Variants in DNMBP observed in about 807,000 individuals in gnomAD.
DNMBP encodes dynamin binding protein.
Under a neutral mutation model 150.0 loss-of-function variants are expected in DNMBP, and 87 were observed. That is an observed-to-expected ratio of 0.58 (90% CI 0.49 to 0.69). The LOEUF is 0.69. Among genes scored for constraint, DNMBP ranks in the 30% least tolerant of loss-of-function variants. DNMBP has a pLI of 0.00. For missense variants in DNMBP, 1,774 were observed against 1,949.0 expected (o/e 0.91, Z 1.69); for synonymous variants, 711 against 750.4 (o/e 0.95, Z 0.86).
chr10:99,932,005 G>T lies in DNMBP; in HGVS notation c.2261-22859C>A, dbSNP rs76610598. On this transcript the variant is annotated intron_variant, in intron 4 of 16. Coordinates refer to ENST00000324109, the MANE Select transcript of DNMBP (RefSeq NM_015221.4). ...TAATACGTGGAAAATAAGAGAGGAG[G>T]CTGAAGAGATAGGTTGGGGTGGACC... Among the ~76,000 whole-genome samples the T allele has an allele frequency of 6.0e-4, 91 of 152,302 alleles. No individual in the cohort carries two copies. The East Asian group carries it at 6.6e-3, about 11-fold the overall frequency.
At chr10:100,005,764 CA>C (rs760685767) in intron 1 of DNMBP, among the ~76,000 whole-genome samples, 4,706 of 37,988 alleles carry the variant, frequency 0.12, 36 homozygotes, top group African/African-American at 0.15. Context: ...CAAAAGTCTC[CA>C]AAAAAAAAAA....
At chr10:99,887,512 G>T (rs1217475587) in intron 12 of DNMBP, among the ~76,000 whole-genome samples, 1 of 152,026 alleles carries the variant, frequency 6.6e-6, no homozygotes, top group Non-Finnish European at 1.5e-5. Flanking sequence ...GGGTGACAGA[G>T]TGAGACTCCA....
Position 99,898,966 on chromosome 10 carries a change from G to A in DNMBP, c.2703-206C>T, listed in dbSNP as rs546532628. Among the ~76,000 whole-genome samples the A allele has an allele frequency of 4.6e-5, 7 of 152,236 alleles. No homozygotes were observed. In the East Asian group the frequency reaches 1.2e-3, roughly 25 times the overall value. On this transcript the variant is annotated intron_variant, in intron 7 of 16. Transcript: ENST00000324109. ...CCAGCACTTTGGGAGGCCGAGGCGGGTGGATCACCTGAGGTCAGGAGTTCA... is the reference window on the plus strand; with the variant it reads ...CCAGCACTTTGGGAGGCCGAGGCGGATGGATCACCTGAGGTCAGGAGTTCA...
intron 1 of DNMBP, among the ~76,000 whole-genome samples, chr10:100,007,695 G>A (rs61871673): frequency 0.05 from 7,613 of 152,256 alleles, 234 homozygotes; most frequent in South Asian, 0.16. Flanking sequence ...TAGCAGGGAG[G>A]ATAAAGAACA....
chr10:99,965,825 C>T (rs1229291853), intron 3 of DNMBP, among the ~76,000 whole-genome samples: 1 of 152,066 alleles, frequency 6.6e-6, no homozygotes, highest in African/African-American at 2.4e-5. Context: ...TCCAAATCCC[C>T]TCCTGACCTA....
intron 3 of DNMBP, among the ~76,000 whole-genome samples, chr10:99,959,978 A>G (rs2040546527): frequency 6.6e-6 from 1 of 152,156 alleles, no homozygotes; most frequent in African/African-American, 2.4e-5. Context: ...CCTATCCTGA[A>G]AATATATTAT....
At chr10:99,981,622 G>C (rs1164008726) in intron 1 of DNMBP, among the ~76,000 whole-genome samples, 1 of 152,166 alleles carries the variant, frequency 6.6e-6, no homozygotes, top group Non-Finnish European at 1.5e-5. Flanking sequence ...GTGGCCTTTG[G>C]AATCAAAGTC....
intron 1 of DNMBP, among the ~76,000 whole-genome samples, chr10:99,974,271 G>T (rs2040705953): frequency 6.6e-6 from 1 of 152,218 alleles, no homozygotes; most frequent in African/African-American, 2.4e-5. Flanking sequence ...CCAACCCCGG[G>T]GAGTATCCTT....
chr10:99,961,228 TC>T (rs758122299), intron 3 of DNMBP, among the ~76,000 whole-genome samples: 141 of 149,950 alleles, frequency 9.4e-4, no homozygotes, highest in Non-Finnish European at 1.9e-3. Flanking sequence ...TTTCCTTTTT[TC>T]TTCTAATTCC....
chr10:99,981,567 C>G (rs1264676929), intron 1 of DNMBP, among the ~76,000 whole-genome samples: 1 of 152,146 alleles, frequency 6.6e-6, no homozygotes, highest in African/African-American at 2.4e-5. Context: ...AAACTTTTAC[C>G]CTGATAGACA....
chr10:99,970,786 C>T (rs919358611), intron 2 of DNMBP, among the ~76,000 whole-genome samples: 3 of 151,492 alleles, frequency 2.0e-5, no homozygotes, highest in Non-Finnish European at 4.4e-5. Context: ...TCCTGGCTAA[C>T]ATGGTGAAAC....
chr10:99,988,132 CCAATGAGATGACCA>C (rs1223320205), intron 1 of DNMBP, among the ~76,000 whole-genome samples: 3 of 152,162 alleles, frequency 2.0e-5, no homozygotes, highest in African/African-American at 7.2e-5. Flanking sequence ...TTTCCTGCGT[CCAATGAGATGACCA>C]TTTTCCCCCT....
At chr10:99,925,574 C>G (rs1280272546) in intron 4 of DNMBP, among the ~76,000 whole-genome samples, 1 of 152,072 alleles carries the variant, frequency 6.6e-6, no homozygotes. Flanking sequence ...CACCAACATG[C>G]CCAGCTAATT....
intron 6 of DNMBP, among the ~76,000 whole-genome samples, chr10:99,902,653 C>T (rs1447315015): frequency 2.0e-5 from 3 of 148,094 alleles, no homozygotes; most frequent in East Asian, 2.0e-4. Context: ...GTTGGCTGGA[C>T]GTAGTGGCTC....
rs2040472250 is a variant in DNMBP, at chr10:99,955,345, C to T, written c.2129G>A (p.Arg710Lys). 1.2e-6 allele frequency: 2 copies of T among 1,614,084 alleles called. No homozygotes were observed. The highest frequency in any genetic ancestry group is 2.7e-5 in the African/African-American group (2 of 74,928). ...EMERDLDMYS[R>K]AQEELNLMLE... ...CATGAGGTTTAGCTCTTCTTGAGCT[C>T]TACTGTACATATCCAAGTCCCGCTC... The change falls in exon 4 of 17, where the codon AGA becomes AAA. Residue 710 changes from arginine to lysine, a missense_variant. Arg to Lys is a conservative substitution (Grantham distance 26). Around this residue, in one of 2 missense-constraint regions of DNMBP, gnomAD observed 1,430 missense variants for 1,492.5 expected, o/e 0.96. Transcript: ENST00000324109.
At chr10:99,929,210 ACTG>A (rs2040117190) in intron 4 of DNMBP, among the ~76,000 whole-genome samples, 1 of 151,776 alleles carries the variant, frequency 6.6e-6, no homozygotes, top group Non-Finnish European at 1.5e-5. Flanking sequence ...AAGTGTAGAG[ACTG>A]AGAGAAAAAA....
chr10:99,976,525 A>AGG lies in DNMBP; in HGVS notation c.-10-4392_-10-4391insCC, dbSNP rs1394058605. 9.2e-5 allele frequency among the ~76,000 whole-genome samples: 14 copies of AGG among 152,256 alleles called. No homozygotes were observed. In the East Asian group the frequency reaches 2.7e-3, roughly 29 times the overall value. On this transcript the variant is annotated intron_variant, in intron 1 of 16. Coordinates refer to ENST00000324109, the MANE Select transcript of DNMBP (RefSeq NM_015221.4). ...CCACGCCCTTGCTATATTGCTGTTT[A>AGG]TGATCTGCTATGGAGGGGAGACCAC...
At position 99,879,676 on chromosome 10, in the gene DNMBP, T is replaced by C. The variant is rs1021891513; in HGVS notation, c.4548+135A>G. On this transcript the variant is annotated intron_variant, in intron 16 of 16. Transcript: ENST00000324109. ...CTGATGGCAGAGATTCCTTGTGTGC[T>C]TGAAAGGTGTGTCTGTGAGCTCATC... 5 of 1,443,946 alleles carry C rather than the reference T, an allele frequency of 3.5e-6. No homozygotes were observed. In the African/African-American group the frequency reaches 5.7e-5, roughly 16 times the overall value. The allele number at this position is 1,443,946 out of a possible 1,614,324, so 89.4% of individuals were successfully genotyped here.
intron 4 of DNMBP, among the ~76,000 whole-genome samples, chr10:99,951,152 G>A (rs2040418142): frequency 1.3e-5 from 2 of 152,250 alleles, no homozygotes; most frequent in Admixed American, 1.3e-4. Context: ...CAAGCCCCAA[G>A]CCTTGGCAGC....
Sources: gnomAD v4.1 joint callset for allele counts (sites outside exome capture counted in the v4.1 genomes callset) on GRCh38, gnomAD v4.1.1 for gene constraint, gnomAD v4.1.1 regional missense constraint, MANE v1.5 for transcripts, NCBI Gene and HGNC (gene_info 2026-07-23, HGNC 2026-07-21) for gene names.